Variants in CFAP74 observed in about 807,000 individuals in gnomAD.
The protein encoded by CFAP74 is cilia and flagella associated protein 74.
In CFAP74, 124 loss-of-function variants were observed where a neutral mutation model predicts 188.9. That is an observed-to-expected ratio of 0.66 (90% CI 0.57 to 0.76). The LOEUF is 0.76. Ranked by LOEUF, CFAP74 falls within the 30% of genes least tolerant of loss-of-function variation. The probability of loss-of-function intolerance (pLI) is 0.00; values close to 1 mark genes in which losing one functional copy is unlikely to be tolerated. For missense variants in CFAP74, 2,198 were observed against 2,165.2 expected (o/e 1.02, Z -0.30); for synonymous variants, 956 against 916.7 (o/e 1.04, Z -0.77).
At chr1:2,000,124 A>C (rs1658135166) in intron 1 of CFAP74, among the ~76,000 whole-genome samples, 1 of 152,216 alleles carries the variant, frequency 6.6e-6, no homozygotes, top group Non-Finnish European at 1.5e-5. Flanking sequence ...AGATCGTGCC[A>C]CTGCACTCCA....
intron 33 of CFAP74, among the ~76,000 whole-genome samples, chr1:1,925,199 T>C (rs1254512536): frequency 2.7e-5 from 3 of 112,012 alleles, no homozygotes; most frequent in Non-Finnish European, 5.2e-5. Context: ...TGAGGGCACA[T>C]GGGGCAGCGT....
At chr1:1,948,987 T>TAC in intron 18 of CFAP74, among the ~76,000 whole-genome samples, 1 of 85,930 alleles carries the variant, frequency 1.2e-5, no homozygotes, top group Non-Finnish European at 2.2e-5. Context: ...CCTCCCTCCT[T>TAC]TCCTTCATTC....
chr1:1,971,989 G>A lies in CFAP74; in HGVS notation c.879C>T (p.Ser293=), dbSNP rs183540277. The change falls in exon 9 of 39, where the codon TCC becomes TCT. Residue 293 remains serine (S), a synonymous_variant. Coordinates refer to ENST00000682832, the MANE Select transcript of CFAP74 (RefSeq NM_001304360.2). The part of the protein sequence containing the change: ...DAVVALKGSI[S]ANRDTLRKFQ... ...GGCTGCGGGGGCCTACCCGGTTCGC[G>A]GAGATGCTGCCCTTCAGCGCCACCA... 5.7e-5 allele frequency: 92 copies of A among 1,609,982 alleles called. No homozygotes were observed. In the East Asian group the frequency reaches 1.2e-3, roughly 21 times the overall value.
At chr1:1,936,562 G>T (rs974705028) in intron 25 of CFAP74, among the ~76,000 whole-genome samples, 2 of 150,722 alleles carry the variant, frequency 1.3e-5, no homozygotes, top group African/African-American at 2.4e-5. Flanking sequence ...AACAAAAAAA[G>T]AAAAAAAAGA....
chr1:1,986,548 TC>T (rs998034228), intron 5 of CFAP74, among the ~76,000 whole-genome samples: 1 of 152,148 alleles, frequency 6.6e-6, no homozygotes, highest in African/African-American at 2.4e-5. Context: ...CCATCCAGGC[TC>T]CCGGAGCAAT....
At chr1:1,927,239 G>A in intron 28 of CFAP74, 3 of 623,812 alleles carry the variant, frequency 4.8e-6, no homozygotes, top group Non-Finnish European at 8.3e-6. Flanking sequence ...GCTGGTGGCT[G>A]GAGGCTAGGG....
Position 1,930,232 on chromosome 1 carries a change from G to A in CFAP74, c.3116C>T (p.Ala1039Val). 1 of 1,535,748 alleles carries A rather than the reference G, an allele frequency of 6.5e-7. No individual in the cohort carries two copies. Among genetic ancestry groups the A allele is most frequent in the Non-Finnish European group, 8.7e-7 (1 of 1,146,728 alleles). Residue 1039 changes from alanine (A) to valine (V), a missense_variant, in exon 26 of 39, where the codon GCT (alanine) becomes GTT (valine). By Grantham distance (64) the Ala-to-Val change is moderately conservative. Transcript: ENST00000682832. ...GTGAGAGTTGATGACGTACACTGTA[G>A]CCACGGAGGTGTCGTATAGGGCCGT... ...AATALYDTSVATVYVINSHLS... is the reference protein window; with the variant it reads ...AATALYDTSVVTVYVINSHLS...
intron 15 of CFAP74, 152 bp downstream of exon 15, chr1:1,959,812 T>C: frequency 1.6e-6 from 1 of 634,722 alleles, no homozygotes. Context: ...AGTGTATTTT[T>C]GGAAGTAAAA....
intron 1 of CFAP74, among the ~76,000 whole-genome samples, chr1:1,996,183 T>C (rs1657905227): frequency 6.6e-6 from 1 of 151,976 alleles, no homozygotes; most frequent in Non-Finnish European, 1.5e-5. Flanking sequence ...CGGAGTTTCA[T>C]CATGTTGGCC....
Position 1,956,682 on chromosome 1 carries a change from A to G in CFAP74, c.1954T>C (p.Phe652Leu). The G allele has an allele frequency of 6.2e-7, 1 of 1,614,136 alleles. No homozygotes were observed. The highest frequency in any genetic ancestry group is 2.2e-5 in the East Asian group (1 of 44,866). The change falls in exon 17 of 39, where the codon TTC (phenylalanine) becomes CTC (leucine). Residue 652 changes from phenylalanine to leucine, a missense_variant. Phe to Leu is a conservative substitution (Grantham distance 22). Coordinates refer to ENST00000682832, the MANE Select transcript of CFAP74 (RefSeq NM_001304360.2). ...GGCTCTGAAGCTGGCAGGAACTTGA[A>G]AGTCGTGCCCAAGCCCCCAACGTTG... Reference protein sequence around the residue: ...LTNVGGLGTTFKFLPASEPCE... With the variant: ...LTNVGGLGTTLKFLPASEPCE...
intron 14 of CFAP74, among the ~76,000 whole-genome samples, chr1:1,963,456 CAAAAAAAAAAAAAAAAA>C (rs772909618): frequency 6.1e-5 from 2 of 32,880 alleles, no homozygotes; most frequent in Non-Finnish European, 9.9e-5. Flanking sequence ...GACTCCATCT[CAAAAAAAAAAAAAAAAA>C]AAAAAAAAAA....
Position 1,973,877 on chromosome 1 carries a change from A to G in CFAP74, c.674+148T>C. The G allele has an allele frequency of 1.4e-6, 1 of 701,292 alleles. No homozygotes were observed. Among genetic ancestry groups the G allele is most frequent in the Non-Finnish European group, 2.2e-6 (1 of 456,506 alleles). The allele number at this position is 701,292 out of a possible 1,614,324, so 43.4% of individuals were successfully genotyped here. A position where few individuals can be genotyped will look rare whatever the true frequency, so the allele number is the denominator to read the frequency against. On this transcript the variant is annotated intron_variant, in intron 7 of 38. Transcript: ENST00000682832. The surrounding 1 kb of genome is among the most constrained non-coding windows in gnomAD (Gnocchi z 6.2). The stretch of plus-strand genomic sequence containing the variant: ...GAAGGACTCAAGGGCCCGGTGGAGG[A>G]GCAAGCTGGGAGGAGGCAGGGAGGG...
chr1:1,928,119 T>C (rs28670388), intron 27 of CFAP74, among the ~76,000 whole-genome samples: 35,577 of 148,092 alleles, frequency 0.24, 4,485 homozygotes, highest in Non-Finnish European at 0.26. Context: ...AGGCAAACCC[T>C]TGGGAGGAAG....
At chr1:1,924,825 A>C (rs1283740841) in intron 33 of CFAP74, among the ~76,000 whole-genome samples, 2 of 152,142 alleles carry the variant, frequency 1.3e-5, no homozygotes, top group African/African-American at 4.8e-5. Flanking sequence ...AGCTGAACCC[A>C]CGTCCCCACC....
chr1:1,952,663 AT>A (rs576484834), intron 18 of CFAP74, among the ~76,000 whole-genome samples: 159 of 147,570 alleles, frequency 1.1e-3, no homozygotes, highest in Non-Finnish European at 9.6e-4. Flanking sequence ...ACAAGACTCA[AT>A]TTTTTTTTTT....
intron 14 of CFAP74, among the ~76,000 whole-genome samples, chr1:1,962,319 A>G (rs1382852084): frequency 1.3e-5 from 2 of 151,946 alleles, no homozygotes; most frequent in Admixed American, 1.3e-4. Context: ...CTACTAAAAT[A>G]CAAAAAATTA....
At chr1:1,978,742 A>T (rs1435823466) in intron 6 of CFAP74, among the ~76,000 whole-genome samples, 1 of 152,200 alleles carries the variant, frequency 6.6e-6, no homozygotes, top group East Asian at 1.9e-4. Flanking sequence ...CAAGCTCATA[A>T]ATCCGCGTCC....
At position 1,939,109 on chromosome 1, in the gene CFAP74, TGA is replaced by T. The variant is rs767038258; in HGVS notation, c.2878-123_2878-122del. On this transcript the variant is annotated intron_variant, in intron 24 of 38. Coordinates refer to ENST00000682832, the MANE Select transcript of CFAP74 (RefSeq NM_001304360.2). Reference sequence around the variant, plus strand: ...GATCGTGTGTGAGCGAATGTGAGGGTGAGAGTGTCGCTGTCAACGAGTGTGTG... The same window carrying T: ...GATCGTGTGTGAGCGAATGTGAGGGTGAGTGTCGCTGTCAACGAGTGTGTG... 3.0e-4 allele frequency: 318 copies of T among 1,076,080 alleles called. 2 individuals carry two copies. The highest frequency in any genetic ancestry group is 1.7e-3 in the Middle Eastern group (8 of 4,810). 66.7% of individuals were successfully genotyped at this position (1,076,080 alleles called of 1,614,324 possible).
In CFAP74 at chr1:1,937,200, G is replaced by A. The variant is rs575770912; in HGVS notation, c.3011+1655C>T. Among the ~76,000 whole-genome samples the A allele has an allele frequency of 5.3e-5, 8 of 152,378 alleles. No individual in the cohort carries two copies. The South Asian group carries it at 1.4e-3, about 28-fold the overall frequency. ...GTGCAAAGCACTGGGCACCAAAGGC[G>A]GCTGAGGGAGAGGCGACGGGGCGTT... On this transcript the variant is annotated intron_variant, in intron 25 of 38. Transcript: ENST00000682832.
Sources: gnomAD v4.1 joint callset for allele counts (sites outside exome capture counted in the v4.1 genomes callset) on GRCh38, gnomAD v4.1.1 for gene constraint, Gnocchi (gnomAD v3.1) non-coding constraint, MANE v1.5 for transcripts, NCBI Gene and HGNC (gene_info 2026-07-23, HGNC 2026-07-21) for gene names.